Variants in CRACDL observed in about 807,000 individuals in gnomAD.
CRACDL encodes the protein CRACD-like protein.
A neutral mutation model predicts 70.6 loss-of-function variants in CRACDL; 26 were observed. The observed-to-expected ratio is 0.37, with a 90% confidence interval of 0.27 to 0.51. The LOEUF (loss-of-function observed/expected upper bound fraction) is 0.51, where lower values mean the gene tolerates loss of function less well. Among genes scored for constraint, CRACDL ranks in the 20% least tolerant of loss-of-function variants. The probability of loss-of-function intolerance (pLI) is 0.94; values close to 1 mark genes in which losing one functional copy is unlikely to be tolerated. For synonymous variants in CRACDL, 618 were observed against 615.2 expected, an observed-to-expected ratio of 1.00 and a Z score of -0.07; for missense variants, 1,283 against 1,376.9, an observed-to-expected ratio of 0.93 and a Z score of 1.08.
chr2:98,867,212 C>G (rs1178469014), intron 1 of CRACDL, among the ~76,000 whole-genome samples: 1 of 152,136 alleles, frequency 6.6e-6, no homozygotes. Context: ...TAAATAGTAT[C>G]TTATATAAAC....
chr2:98,864,478 T>C (rs1263938959), intron 1 of CRACDL, among the ~76,000 whole-genome samples: 1 of 151,424 alleles, frequency 6.6e-6, no homozygotes. Context: ...TCTGGGGAAA[T>C]GGAAATGTTC....
At chr2:98,849,798 C>T (rs1449753834) in intron 1 of CRACDL, among the ~76,000 whole-genome samples, 1 of 152,116 alleles carries the variant, frequency 6.6e-6, no homozygotes, top group Non-Finnish European at 1.5e-5. Context: ...TCCCAAGCAT[C>T]TTCATACAGA....
intron 1 of CRACDL, among the ~76,000 whole-genome samples, chr2:98,872,520 C>T (rs1707377497): frequency 6.6e-6 from 1 of 152,154 alleles, no homozygotes; most frequent in African/African-American, 2.4e-5. Context: ...GATGGGAACA[C>T]TAGAAGCCCA....
intron 1 of CRACDL, among the ~76,000 whole-genome samples, chr2:98,928,453 G>A (rs1416671346): frequency 6.6e-6 from 1 of 152,188 alleles, no homozygotes; most frequent in Non-Finnish European, 1.5e-5. Flanking sequence ...TGACTGAGGT[G>A]AGGGAAATCT....
At chr2:98,850,150 C>A (rs1292407942) in intron 1 of CRACDL, among the ~76,000 whole-genome samples, 1 of 152,246 alleles carries the variant, frequency 6.6e-6, no homozygotes, top group African/African-American at 2.4e-5. Flanking sequence ...AGTCACAGGA[C>A]AAACACCTGG....
At chr2:98,803,741 T>C (rs1000237181) in intron 7 of CRACDL, among the ~76,000 whole-genome samples, 2 of 152,210 alleles carry the variant, frequency 1.3e-5, no homozygotes, top group Non-Finnish European at 2.9e-5. Context: ...CTAAAGTGGA[T>C]CCATCATCGC....
At chr2:98,878,806 T>C (rs1707558638) in intron 1 of CRACDL, among the ~76,000 whole-genome samples, 1 of 152,136 alleles carries the variant, frequency 6.6e-6, no homozygotes, top group Admixed American at 6.5e-5. Flanking sequence ...ACGAGAGAAG[T>C]ACAGTTTCCA....
chr2:98,811,238 A>G (rs978854668), intron 7 of CRACDL, among the ~76,000 whole-genome samples: 1 of 151,784 alleles, frequency 6.6e-6, no homozygotes, highest in Non-Finnish European at 1.5e-5. Flanking sequence ...CTGGCCGGGC[A>G]TGGTGGCTCA....
Position 98,795,154 on chromosome 2 carries a change from C to T in CRACDL, c.2750-483G>A, listed in dbSNP as rs1233698315. On this transcript the variant is annotated intron_variant, in intron 9 of 9. Coordinates refer to ENST00000397899, the MANE Select transcript of CRACDL (RefSeq NM_207362.3). ...GCAGTGGTACAATCTCAGCTCCCTG[C>T]AATCTCTGCCTCCCGGGTTCAAGCG... Among the ~76,000 whole-genome samples, 3 of 144,998 alleles carry T rather than the reference C, an allele frequency of 2.1e-5. No homozygotes were observed. The Admixed American group carries it at 2.1e-4, about 10-fold the overall frequency.
chr2:98,912,228 C>T (rs1010251217), intron 1 of CRACDL, among the ~76,000 whole-genome samples: 3 of 152,242 alleles, frequency 2.0e-5, no homozygotes, highest in Admixed American at 2.0e-4. Context: ...GCTAACAATT[C>T]TCTGCCTTTT....
intron 9 of CRACDL, among the ~76,000 whole-genome samples, 187 bp downstream of exon 9, chr2:98,795,933 T>G (rs1372795488): frequency 6.6e-6 from 1 of 152,230 alleles, no homozygotes; most frequent in Non-Finnish European, 1.5e-5. Context: ...GTCAACCTTA[T>G]ACTTAATGAA....
At chr2:98,935,489 G>C (rs1339491917) in intron 1 of CRACDL, among the ~76,000 whole-genome samples, 1 of 152,136 alleles carries the variant, frequency 6.6e-6, no homozygotes. Context: ...CCTAAAACCT[G>C]TTAAATAAAC....
At chr2:98,794,985 C>T (rs1430272589) in intron 9 of CRACDL, among the ~76,000 whole-genome samples, 2 of 145,918 alleles carry the variant, frequency 1.4e-5, no homozygotes, top group African/African-American at 2.5e-5. Flanking sequence ...CTGAACTGTG[C>T]ACTTAAAAAT....
intron 7 of CRACDL, among the ~76,000 whole-genome samples, chr2:98,803,473 T>C (rs1704166567): frequency 6.6e-6 from 1 of 152,216 alleles, no homozygotes; most frequent in Admixed American, 6.5e-5. Context: ...TTTCTTTTCA[T>C]AACATTTCTT....
chr2:98,893,006 G>A (rs907189447), intron 1 of CRACDL, among the ~76,000 whole-genome samples: 2 of 152,158 alleles, frequency 1.3e-5, no homozygotes, highest in Non-Finnish European at 2.9e-5. Context: ...ATCCCTGGCC[G>A]GCTCCCGTGT....
intron 1 of CRACDL, among the ~76,000 whole-genome samples, chr2:98,922,083 C>CTTTCT (rs1287547211): frequency 1.3e-5 from 2 of 151,984 alleles, no homozygotes; most frequent in South Asian, 4.1e-4. Flanking sequence ...TTTTTGATTT[C>CTTTCT]TTTCTTTTCT....
intron 1 of CRACDL, among the ~76,000 whole-genome samples, chr2:98,918,539 C>CA (rs58312556): frequency 0.099 from 6,539 of 66,234 alleles, 756 homozygotes; most frequent in East Asian, 0.19. Context: ...TGTTGTCTAC[C>CA]AAAAAAAAAA....
At chr2:98,852,131 A>C (rs1482935879) in intron 1 of CRACDL, among the ~76,000 whole-genome samples, 1 of 152,136 alleles carries the variant, frequency 6.6e-6, no homozygotes, top group Non-Finnish European at 1.5e-5. Context: ...ATGGAAACTG[A>C]GGGAGAATAT....
intron 1 of CRACDL, among the ~76,000 whole-genome samples, chr2:98,924,268 T>G (rs1708864405): frequency 6.6e-6 from 1 of 152,126 alleles, no homozygotes; most frequent in Non-Finnish European, 1.5e-5. Flanking sequence ...AGCTGCCAGC[T>G]CGGGATCCCA....
Sources: gnomAD v4.1 joint callset for allele counts (sites outside exome capture counted in the v4.1 genomes callset) on GRCh38, gnomAD v4.1.1 for gene constraint, MANE v1.5 for transcripts, NCBI Gene and HGNC (gene_info 2026-07-23, HGNC 2026-07-21) for gene names.